CREG2: variants seen among roughly 807,000 people sequenced by gnomAD.
CREG2 encodes cellular repressor of E1A stimulated genes 2, also known as protein CREG2.
CREG2 carries 24 observed loss-of-function variants against 26.2 expected under a neutral mutation model. The ratio of observed to expected loss-of-function variants is 0.92; its 90% CI spans 0.66 to 1.29. The LOEUF (loss-of-function observed/expected upper bound fraction) is 1.29. Among genes scored for constraint, CREG2 ranks in the 50% most tolerant of loss-of-function variants. The pLI is 0.00. For synonymous variants in CREG2, 174 were observed against 169.2 expected (o/e 1.03, Z -0.22); for missense variants, 366 against 398.6 (o/e 0.92, Z 0.70).
At chr2:101,369,140 G>A (rs1031630433) in intron 2 of CREG2, among the ~76,000 whole-genome samples, 2 of 152,208 alleles carry the variant, frequency 1.3e-5, no homozygotes, top group Non-Finnish European at 2.9e-5. Flanking sequence ...ATGATGAGAC[G>A]GGTGTTTTGA....
At chr2:101,359,793 A>G (rs1020876479) in intron 2 of CREG2, among the ~76,000 whole-genome samples, 15 of 152,254 alleles carry the variant, frequency 9.9e-5, no homozygotes, top group African/African-American at 3.6e-4. Flanking sequence ...CCTCTTCCAA[A>G]TAAATCGCTG....
chr2:101,352,758 A>C (rs1684401637), intron 3 of CREG2, among the ~76,000 whole-genome samples: 1 of 152,178 alleles, frequency 6.6e-6, no homozygotes, highest in Non-Finnish European at 1.5e-5. Context: ...CAGTGAGCCG[A>C]GATCATGCCA....
At chr2:101,356,553 CTTT>C (rs963750989) in intron 2 of CREG2, among the ~76,000 whole-genome samples, 5 of 145,104 alleles carry the variant, frequency 3.4e-5, no homozygotes, top group African/African-American at 1.3e-4. Context: ...GGTTTTCTTT[CTTT>C]TTTTTTAACT....
chr2:101,379,923 G>T (rs1327193512), intron 2 of CREG2, among the ~76,000 whole-genome samples: 1 of 152,126 alleles, frequency 6.6e-6, no homozygotes, highest in African/African-American at 2.4e-5. Context: ...AGGGGCAACT[G>T]TAATATTCGC....
rs1684358815 is a variant in CREG2 at position 101,350,284 on chromosome 2, CT to C, written c.*638del. ...TTCTCTTTAATGACTGCCATGGCTG[CT>C]TACATAGAGAAGGGCTATGCACAAA... On this transcript the variant is annotated 3_prime_UTR_variant, in exon 4 of 4. Transcript: ENST00000324768. The C allele has an allele frequency of 6.6e-6, 1 of 152,202 alleles. No individual in the cohort carries two copies. Among genetic ancestry groups the C allele is most frequent in the Non-Finnish European group, 1.5e-5 (1 of 68,058 alleles). The allele number at this position is 152,202 out of a possible 1,614,324, so 9.4% of individuals were successfully genotyped here. A position where few individuals can be genotyped will look rare whatever the true frequency, so the allele number is the denominator to read the frequency against.
At chr2:101,384,628 C>G (rs1684935857) in intron 1 of CREG2, among the ~76,000 whole-genome samples, 1 of 152,140 alleles carries the variant, frequency 6.6e-6, no homozygotes, top group Non-Finnish European at 1.5e-5. Context: ...CCCTGTAATC[C>G]TAGCATTTTG....
intron 2 of CREG2, among the ~76,000 whole-genome samples, chr2:101,373,517 G>A (rs1035121644): frequency 6.6e-6 from 1 of 152,290 alleles, no homozygotes; most frequent in African/African-American, 2.4e-5. Flanking sequence ...ATATTTATGG[G>A]TGTCACATCC....
intron 2 of CREG2, among the ~76,000 whole-genome samples, chr2:101,380,261 C>G (rs892850431): frequency 5.3e-5 from 8 of 152,244 alleles, no homozygotes; most frequent in African/African-American, 1.9e-4. Context: ...TAAGCCTGAG[C>G]TGTTCTTGCC....
chr2:101,378,548 A>G (rs936844493), intron 2 of CREG2, among the ~76,000 whole-genome samples: 1 of 152,194 alleles, frequency 6.6e-6, no homozygotes, highest in Admixed American at 6.5e-5. Flanking sequence ...TATCAAATCT[A>G]TATCAGCCGT....
intron 2 of CREG2, among the ~76,000 whole-genome samples, chr2:101,380,943 A>AG (rs964539729): frequency 4.5e-5 from 4 of 88,198 alleles, no homozygotes; most frequent in Non-Finnish European, 9.4e-5. Flanking sequence ...ACTCCATCTC[A>AG]AAAAAAAAAA....
rs1684363895 is a variant in CREG2, at chr2:101,350,554, A to C, written c.*369T>G. 5.9e-6 allele frequency: 1 copy of C among 170,696 alleles called. No individual in the cohort carries two copies. Among genetic ancestry groups the C allele is most frequent in the African/African-American group, 2.4e-5 (1 of 41,902 alleles). The allele number at this position is 170,696 out of a possible 1,614,324, so 10.6% of individuals were successfully genotyped here. A position where few individuals can be genotyped will look rare whatever the true frequency, so the allele number is the denominator to read the frequency against. ...GAGCAAGCAACAAAGATACTCTCAC[A>C]ATACAAAGCAATCACATTGTAGGTA... On this transcript the variant is annotated 3_prime_UTR_variant, in exon 4 of 4. Coordinates refer to ENST00000324768, the MANE Select transcript of CREG2 (RefSeq NM_153836.4).
intron 2 of CREG2, among the ~76,000 whole-genome samples, chr2:101,372,432 G>A (rs1003481906): frequency 6.6e-6 from 1 of 152,146 alleles, no homozygotes; most frequent in East Asian, 1.9e-4. Flanking sequence ...GTCTTTATAC[G>A]TTTGGAGTAA....
Position 101,387,260 on chromosome 2 carries a change from C to A in CREG2, c.198G>T (p.Ser66=). 6.8e-7 allele frequency: 1 copy of A among 1,468,790 alleles called. No homozygotes were observed. The highest frequency in any genetic ancestry group is 9.1e-7 in the Non-Finnish European group (1 of 1,101,262). The allele number at this position is 1,468,790 out of a possible 1,614,324, so 91.0% of individuals were successfully genotyped here. A position where few individuals can be genotyped will look rare whatever the true frequency, so the allele number is the denominator to read the frequency against. The change falls in exon 1 of 4, where the codon TCG becomes TCT. Residue 66 remains serine, a synonymous_variant. Transcript: ENST00000324768. This position sits in a 1 kb window ranked among gnomAD's most constrained non-coding sequence, Gnocchi z 4.7. ...EEAMPALLED[S]GSIWQQSFPA... ...GGAAGCTTTGCTGCCAGATGCTGCC[C>A]GAATCCTCTAGCAGCGCGGGCATAG...
intron 2 of CREG2, among the ~76,000 whole-genome samples, chr2:101,378,255 T>C (rs750500217): frequency 3.3e-5 from 5 of 152,242 alleles, no homozygotes; most frequent in Non-Finnish European, 5.9e-5. Flanking sequence ...GACTTCATTT[T>C]ACAAATGACT....
intron 2 of CREG2, among the ~76,000 whole-genome samples, chr2:101,359,126 A>C (rs1235101485): frequency 2.7e-5 from 4 of 148,780 alleles, no homozygotes; most frequent in African/African-American, 1.0e-4. Context: ...AAAAAGTTTT[A>C]GGGCAGGAAT....
chr2:101,385,781 A>C (rs1421316203), intron 1 of CREG2, among the ~76,000 whole-genome samples: 5 of 152,214 alleles, frequency 3.3e-5, no homozygotes, highest in Non-Finnish European at 5.9e-5. Context: ...ATGGCAGTAC[A>C]TTGTGTAAAT....
chr2:101,364,397 A>G (rs551930479), intron 2 of CREG2, among the ~76,000 whole-genome samples: 21 of 152,284 alleles, frequency 1.4e-4, no homozygotes, highest in Admixed American at 1.1e-3. Flanking sequence ...AACAACCAAA[A>G]AGGTCTCCAG....
rs1684348757 is a variant in CREG2, at chr2:101,349,650, G to A, written c.*1273C>T. Reference sequence around the variant, plus strand: ...CATGTAGACCTTAGAAGTGTACACAGGTACAGTCTAATTTCTCAAAAACAC... The same window carrying A: ...CATGTAGACCTTAGAAGTGTACACAAGTACAGTCTAATTTCTCAAAAACAC... On this transcript the variant is annotated 3_prime_UTR_variant, in exon 4 of 4. Coordinates refer to ENST00000324768, the MANE Select transcript of CREG2 (RefSeq NM_153836.4). 1 of 152,106 alleles carries A rather than the reference G, an allele frequency of 6.6e-6. No individual in the cohort carries two copies. The highest frequency in any genetic ancestry group is 2.4e-5 in the African/African-American group (1 of 41,342). The allele number at this position is 152,106 out of a possible 1,614,324, so 9.4% of individuals were successfully genotyped here.
intron 2 of CREG2, among the ~76,000 whole-genome samples, chr2:101,368,699 C>G (rs190252283): frequency 6.6e-6 from 1 of 152,274 alleles, no homozygotes; most frequent in East Asian, 1.9e-4. Flanking sequence ...AGGGAAAGCA[C>G]GCTAGACAAA....
Sources: allele counts gnomAD v4.1 joint callset (sites outside exome capture counted in the v4.1 genomes callset), GRCh38; gene constraint gnomAD v4.1.1; non-coding constraint Gnocchi (gnomAD v3.1); transcripts MANE v1.5; gene names NCBI Gene and HGNC (gene_info 2026-07-23, HGNC 2026-07-21).